Variants in STXBP4 observed in about 807,000 individuals in gnomAD.
The protein encoded by STXBP4 is syntaxin binding protein 4.
A neutral mutation model predicts 76.1 loss-of-function variants in STXBP4; 55 were observed. The ratio of observed to expected loss-of-function variants is 0.72; its 90% CI spans 0.58 to 0.91. The LOEUF is 0.91. Among genes scored for constraint, STXBP4 ranks in the 40% least tolerant of loss-of-function variants. The probability of loss-of-function intolerance (pLI) is 0.00; values close to 1 mark genes in which losing one functional copy is unlikely to be tolerated. For synonymous variants in STXBP4, 201 were observed against 220.2 expected (o/e 0.91, Z 0.77); for missense variants, 618 against 636.9 (o/e 0.97, Z 0.32).
chr17:55,092,236 A>G (rs1249199165), intron 16 of STXBP4, among the ~76,000 whole-genome samples: 1 of 152,220 alleles, frequency 6.6e-6, no homozygotes, highest in Non-Finnish European at 1.5e-5. Context: ...GGCTGCACCA[A>G]AACCTCAGAA....
At position 55,168,216 on chromosome 17, in the gene STXBP4, T is replaced by C. The variant is rs1315617339; in HGVS notation, c.*8305T>C. On this transcript the variant is annotated 3_prime_UTR_variant, in exon 18 of 18. Coordinates refer to ENST00000376352, the MANE Select transcript of STXBP4 (RefSeq NM_178509.6). ...TAGTATATGTGTGTGTGTGTGTGTGTATATATATATATCTGTGTGTATATA... is the reference window on the plus strand; with the variant it reads ...TAGTATATGTGTGTGTGTGTGTGTGCATATATATATATCTGTGTGTATATA... 1 of 131,496 alleles carries C rather than the reference T, an allele frequency of 7.6e-6. No homozygotes were observed. The highest frequency in any genetic ancestry group is 3.0e-5 in the African/African-American group (1 of 33,840). The allele number at this position is 131,496 out of a possible 1,614,324, so 8.1% of individuals were successfully genotyped here.
intron 7 of STXBP4, among the ~76,000 whole-genome samples, chr17:55,003,248 A>G (rs2077948438): frequency 6.6e-6 from 1 of 152,334 alleles, no homozygotes; most frequent in East Asian, 1.9e-4. Context: ...TTAACAATGA[A>G]TAAACTCAGG....
the STXBP4 span, among the ~76,000 whole-genome samples, chr17:55,208,222 A>G: frequency 0.055 from 8,401 of 152,024 alleles, 489 homozygotes; most frequent in East Asian, 0.27. Flanking sequence ...CCAGAAATCC[A>G]TGGCAATTTA....
chr17:55,006,740 T>C (rs765143694), intron 7 of STXBP4, among the ~76,000 whole-genome samples: 1 of 152,316 alleles, frequency 6.6e-6, no homozygotes, highest in African/African-American at 2.4e-5. Flanking sequence ...GATTTTTAGC[T>C]CAAAGTACAG....
chr17:55,112,775 T>C (rs1241145531), intron 16 of STXBP4, among the ~76,000 whole-genome samples: 1 of 152,038 alleles, frequency 6.6e-6, no homozygotes, highest in African/African-American at 2.4e-5. Flanking sequence ...GGAGGAGAAC[T>C]CATTTGGGAC....
At chr17:55,035,815 T>A (rs2078591292) in intron 10 of STXBP4, among the ~76,000 whole-genome samples, 1 of 151,984 alleles carries the variant, frequency 6.6e-6, no homozygotes, top group Non-Finnish European at 1.5e-5. Context: ...TGGTGGCTTC[T>A]TGGCTTCATA....
the STXBP4 span, among the ~76,000 whole-genome samples, chr17:55,197,040 C>T: frequency 9.2e-5 from 14 of 152,220 alleles, no homozygotes; most frequent in Admixed American, 6.5e-5. Context: ...ATCTGGGATG[C>T]TGCCACTCAG....
rs1213487678 is a variant in STXBP4, at chr17:55,159,866, G to C, written c.1617G>C (p.Glu539Asp). 4 of 1,613,978 alleles carry C rather than the reference G, an allele frequency of 2.5e-6. No homozygotes were observed. The highest frequency in any genetic ancestry group is 3.4e-6 in the Non-Finnish European group (4 of 1,179,898). ...TCCTGAATCTATCTCGCTCAGAGGAGAATGAAGAGGATTGCTCTAGAGAAC... is the reference window on the plus strand; with the variant it reads ...TCCTGAATCTATCTCGCTCAGAGGACAATGAAGAGGATTGCTCTAGAGAAC... ...MSVLNLSRSE[E>D]NEEDCSRELP... Residue 539 changes from glutamate to aspartate, a missense_variant, in exon 18 of 18, where the codon GAG becomes GAC. Transcript: ENST00000376352.
At chr17:55,028,228 G>A (rs2144664328) in intron 8 of STXBP4, among the ~76,000 whole-genome samples, 1 of 152,124 alleles carries the variant, frequency 6.6e-6, no homozygotes, top group Non-Finnish European at 1.5e-5. Flanking sequence ...AAGAGCACTA[G>A]CACTTTGTAG....
chr17:55,185,251 C>CTTCTTCTTCTTCTTCTTCTTCTTCTT, the STXBP4 span, among the ~76,000 whole-genome samples: 2 of 49,378 alleles, frequency 4.1e-5, no homozygotes, highest in African/African-American at 1.6e-4. Flanking sequence ...TTCTTCTTCT[C>CTTCTTCTTCTTCTTCTTCTTCTTCTT]CTTCTCCTTC....
intron 8 of STXBP4, among the ~76,000 whole-genome samples, chr17:55,025,460 A>G (rs930363358): frequency 1.3e-5 from 2 of 152,196 alleles, no homozygotes; most frequent in South Asian, 4.1e-4. Context: ...ATATAATACC[A>G]TGTTAATAAA....
At chr17:55,184,244 TAC>T in the STXBP4 span, among the ~76,000 whole-genome samples, 3,477 of 152,314 alleles carry the variant, frequency 0.023, 129 homozygotes, top group African/African-American at 0.079. Flanking sequence ...GCAAGTTTGT[TAC>T]ATTCCCAATC....
At chr17:55,093,500 T>G (rs1479529271) in intron 16 of STXBP4, among the ~76,000 whole-genome samples, 1 of 152,202 alleles carries the variant, frequency 6.6e-6, no homozygotes, top group Non-Finnish European at 1.5e-5. Context: ...CTCTGGTGAC[T>G]TGATTATTCA....
At chr17:55,184,719 A>C in the STXBP4 span, among the ~76,000 whole-genome samples, 3 of 152,202 alleles carry the variant, frequency 2.0e-5, no homozygotes, top group Admixed American at 1.3e-4. Flanking sequence ...AGCTAAAGAG[A>C]CCTAACTAAT....
At chr17:55,152,566 AGG>A (rs1021863597) in intron 17 of STXBP4, among the ~76,000 whole-genome samples, 1 of 152,180 alleles carries the variant, frequency 6.6e-6, no homozygotes, top group African/African-American at 2.4e-5. Context: ...TCATGGCAGA[AGG>A]GGAAGCAGGC....
rs537271003 is a variant in STXBP4 at position 55,047,413 on chromosome 17, C to T, written c.1011+259C>T. 6.6e-5 allele frequency among the ~76,000 whole-genome samples: 10 copies of T among 151,758 alleles called. No homozygotes were observed. The East Asian group carries it at 1.7e-3, about 26-fold the overall frequency. On this transcript the variant is annotated intron_variant, in intron 12 of 17. Transcript: ENST00000376352. ...GAAATTTCTTTGAAAAAAACATATC[C>T]ATAGACCAAAATAACCAATCTCATT... is the stretch of plus-strand genomic sequence containing the variant.
Position 55,069,910 on chromosome 17 carries a change from A to G in STXBP4, c.1012-2990A>G, listed in dbSNP as rs77997397. 3.3e-4 allele frequency among the ~76,000 whole-genome samples: 50 copies of G among 152,224 alleles called. No individual in the cohort carries two copies. The East Asian group carries it at 7.0e-3, about 21-fold the overall frequency. ...AAATTAGTTATTCTTCATTGCAGCTATGGAGAATTTCCTGCCCTTTCTCTT... is the reference window on the plus strand; with the variant it reads ...AAATTAGTTATTCTTCATTGCAGCTGTGGAGAATTTCCTGCCCTTTCTCTT... On this transcript the variant is annotated intron_variant, in intron 12 of 17. Transcript: ENST00000376352.
chr17:55,181,852 C>T, the STXBP4 span, among the ~76,000 whole-genome samples: 1 of 152,014 alleles, frequency 6.6e-6, no homozygotes, highest in African/African-American at 2.4e-5. Flanking sequence ...GATTCATTAG[C>T]GTTAAAGAGA....
At chr17:55,025,321 A>T (rs967551515) in intron 8 of STXBP4, among the ~76,000 whole-genome samples, 1 of 152,148 alleles carries the variant, frequency 6.6e-6, no homozygotes, top group African/African-American at 2.4e-5. Context: ...ACTCAAGAAG[A>T]CATAGAAAAA....
Sources: allele counts gnomAD v4.1 joint callset (sites outside exome capture counted in the v4.1 genomes callset), GRCh38; gene constraint gnomAD v4.1.1; transcripts MANE v1.5; gene names NCBI Gene and HGNC (gene_info 2026-07-23, HGNC 2026-07-21).